Variants in FGD3 observed in about 807,000 individuals in gnomAD.
FGD3 encodes FYVE, RhoGEF and PH domain containing 3, also known as FYVE, RhoGEF and PH domain-containing protein 3.
In FGD3, 45 loss-of-function variants were observed where a neutral mutation model predicts 71.8. The observed-to-expected ratio is 0.63, with a 90% CI of 0.49 to 0.80. The LOEUF (loss-of-function observed/expected upper bound fraction) is 0.80. Ranked by LOEUF, FGD3 falls within the 30% of genes least tolerant of loss-of-function variation. The pLI, the probability that FGD3 is intolerant of heterozygous loss-of-function variation, is 0.00. For synonymous variants in FGD3, 378 were observed against 392.8 expected (o/e 0.96, Z 0.44); for missense variants, 844 against 951.5 (o/e 0.89, Z 1.49).
chr9:92,991,857 A>G (rs1260438485), intron 3 of FGD3, among the ~76,000 whole-genome samples: 1 of 152,160 alleles, frequency 6.6e-6, no homozygotes, highest in Non-Finnish European at 1.5e-5. Flanking sequence ...ATATATTTGC[A>G]ATTATATTCT....
intron 1 of FGD3, among the ~76,000 whole-genome samples, chr9:92,973,722 T>C (rs1185425240): frequency 6.6e-6 from 1 of 152,176 alleles, no homozygotes; most frequent in African/African-American, 2.4e-5. Flanking sequence ...CTGTGAAAGC[T>C]CCCTGTGGTC....
At chr9:93,022,555 G>A (rs1861962298) in intron 14 of FGD3, among the ~76,000 whole-genome samples, 166 bp downstream of exon 14, 3 of 152,170 alleles carry the variant, frequency 2.0e-5, no homozygotes, top group Admixed American at 1.3e-4. Flanking sequence ...GGGCCTGGGT[G>A]TGCGGAGGTG....
chr9:93,028,039 A>G (rs983837111), intron 14 of FGD3, among the ~76,000 whole-genome samples: 2 of 151,922 alleles, frequency 1.3e-5, no homozygotes, highest in Non-Finnish European at 1.5e-5. Flanking sequence ...TTAAACCTGA[A>G]GAGTTTATGT....
chr9:93,021,078 G>A (rs1174955142), intron 13 of FGD3, among the ~76,000 whole-genome samples: 1 of 152,236 alleles, frequency 6.6e-6, no homozygotes, highest in Non-Finnish European at 1.5e-5. Flanking sequence ...GCCATGGGTG[G>A]TGGAACTGGC....
At chr9:93,012,335 A>G (rs1587854714) in intron 8 of FGD3, among the ~76,000 whole-genome samples, 1 of 152,144 alleles carries the variant, frequency 6.6e-6, no homozygotes, top group Admixed American at 6.5e-5. Context: ...CATGACTCCT[A>G]AAACACTAAG....
chr9:93,026,241 G>A (rs1862109711), intron 14 of FGD3, among the ~76,000 whole-genome samples: 3 of 152,182 alleles, frequency 2.0e-5, no homozygotes, highest in African/African-American at 7.2e-5. Context: ...AAGTCACTCG[G>A]TCAGATACTG....
chr9:92,986,295 A>G (rs987204770), intron 3 of FGD3, among the ~76,000 whole-genome samples: 3 of 152,176 alleles, frequency 2.0e-5, no homozygotes, highest in African/African-American at 7.2e-5. Flanking sequence ...CTCTTTTCTC[A>G]GAGTCCCATC....
At chr9:92,958,994 C>G (rs1859117047) in intron 1 of FGD3, among the ~76,000 whole-genome samples, 1 of 152,178 alleles carries the variant, frequency 6.6e-6, no homozygotes, top group Admixed American at 6.5e-5. Flanking sequence ...GAGTCTCGCT[C>G]TGTCGCCCAG....
chr9:92,983,021 G>A (rs1345374282), intron 3 of FGD3, among the ~76,000 whole-genome samples: 1 of 151,830 alleles, frequency 6.6e-6, no homozygotes, highest in Non-Finnish European at 1.5e-5. Context: ...GGGAGGCAGA[G>A]GTCACAGTGA....
In FGD3 at chr9:93,016,812, C is replaced by T. The variant is rs548359627; in HGVS notation, c.1275+983C>T. Reference sequence around the variant, plus strand: ...CTAATTTTTGTATTTTTAGTAGAGACGGGGTTTCACCATGTGGTCAGGCTG... The same window carrying T: ...CTAATTTTTGTATTTTTAGTAGAGATGGGGTTTCACCATGTGGTCAGGCTG... On this transcript the variant is annotated intron_variant, in intron 10 of 17. Transcript: ENST00000375482. 2.0e-3 allele frequency among the ~76,000 whole-genome samples: 295 copies of T among 147,676 alleles called. 2 individuals carry two copies. Among genetic ancestry groups the T allele is most frequent in the African/African-American group, 6.9e-3 (274 of 39,830 alleles).
intron 1 of FGD3, among the ~76,000 whole-genome samples, chr9:92,956,635 G>A (rs1859055538): frequency 6.6e-6 from 1 of 152,128 alleles, no homozygotes; most frequent in Non-Finnish European, 1.5e-5. Context: ...CTCCTGGAAT[G>A]TGAGAAAGTA....
At chr9:93,031,915 C>A (rs550611645) in intron 15 of FGD3, among the ~76,000 whole-genome samples, 1 of 152,120 alleles carries the variant, frequency 6.6e-6, no homozygotes, top group East Asian at 1.9e-4. Context: ...ACAGGACCAC[C>A]GATGGGATGC....
intron 3 of FGD3, 118 bp downstream of exon 3, chr9:92,976,827 G>A (rs145019965): frequency 1.0e-5 from 12 of 1,155,326 alleles, no homozygotes; most frequent in Admixed American, 5.8e-5. Flanking sequence ...ACACAGGCTC[G>A]TGCTGTGTGC....
chr9:93,019,374 G>T (rs965261442), intron 11 of FGD3, among the ~76,000 whole-genome samples: 3 of 152,194 alleles, frequency 2.0e-5, no homozygotes, highest in Non-Finnish European at 2.9e-5. Flanking sequence ...TCACAAATGC[G>T]GCTGCAAGCA....
chr9:92,976,182 G>T lies in FGD3; in HGVS notation c.-49-26G>T, dbSNP rs1255272367. 3.7e-6 allele frequency: 5 copies of T among 1,369,700 alleles called. No individual in the cohort carries two copies. In the East Asian group the frequency reaches 1.0e-4, roughly 28 times the overall value. The allele number at this position is 1,369,700 out of a possible 1,614,324, so 84.8% of individuals were successfully genotyped here. ...TGCTGGTCCATGCCTGGCTAGCACT[G>T]ACTCTGGCTTGTTTCTCCCCTACAG... On this transcript the variant is annotated intron_variant, in intron 2 of 17. Transcript: ENST00000375482.
chr9:93,019,974 C>A, intron 12 of FGD3, 113 bp downstream of exon 12: 1 of 1,129,606 alleles, frequency 8.9e-7, no homozygotes, highest in Non-Finnish European at 1.3e-6. Flanking sequence ...TGGCCCTGTG[C>A]TGTACCCTGC....
intron 8 of FGD3, among the ~76,000 whole-genome samples, chr9:93,012,165 A>AAG (rs2118746902): frequency 6.6e-6 from 1 of 152,230 alleles, no homozygotes; most frequent in African/African-American, 2.4e-5. Flanking sequence ...AAAAAAAAAA[A>AAG]AAAAAATGTA....
intron 16 of FGD3, chr9:93,033,198 C>T: frequency 4.9e-6 from 2 of 410,490 alleles, no homozygotes; most frequent in Non-Finnish European, 9.3e-6. Context: ...TTGAGGCCCA[C>T]CTGAGGGGAG....
At chr9:92,955,426 C>T (rs145236792) in intron 1 of FGD3, among the ~76,000 whole-genome samples, 2,849 of 152,128 alleles carry the variant, frequency 0.019, 98 homozygotes, top group African/African-American at 0.064. Flanking sequence ...ATCCCAGCTA[C>T]CCGGGAGGCT....
Sources: allele counts gnomAD v4.1 joint callset (sites outside exome capture counted in the v4.1 genomes callset), GRCh38; gene constraint gnomAD v4.1.1; transcripts MANE v1.5; gene names NCBI Gene and HGNC (gene_info 2026-07-23, HGNC 2026-07-21).